TTLL11: variants seen among roughly 807,000 people sequenced by gnomAD.
TTLL11 encodes tubulin tyrosine ligase like 11, also known as tubulin polyglutamylase TTLL11.
TTLL11 carries 42 observed loss-of-function variants against 51.7 expected under a neutral mutation model. The observed-to-expected ratio is 0.81, with a 90% CI of 0.64 to 1.05. The LOEUF (loss-of-function observed/expected upper bound fraction) is 1.05, where lower values mean the gene tolerates loss of function less well. TTLL11 is among the 50% of genes least tolerant of loss of function. The probability of loss-of-function intolerance (pLI) is 0.00; values close to 1 mark genes in which losing one functional copy is unlikely to be tolerated. For synonymous variants in TTLL11, 381 were observed against 383.5 expected (o/e 0.99, Z 0.08); for missense variants, 799 against 940.4 (o/e 0.85, Z 1.97).
At chr9:121,996,388 C>G (rs1046414635) in intron 3 of TTLL11, among the ~76,000 whole-genome samples, 2 of 152,188 alleles carry the variant, frequency 1.3e-5, no homozygotes, top group Non-Finnish European at 2.9e-5. Context: ...AAGTCCTTCT[C>G]CATATTGAGC....
intron 1 of TTLL11, among the ~76,000 whole-genome samples, chr9:122,068,994 C>T (rs16911368): frequency 0.099 from 15,041 of 152,162 alleles, 1,081 homozygotes; most frequent in African/African-American, 0.19. Flanking sequence ...CCCTGAATGA[C>T]GACCCTGCCA....
intron 6 of TTLL11, among the ~76,000 whole-genome samples, chr9:121,963,304 T>A (rs1842297846): frequency 6.6e-6 from 1 of 152,208 alleles, no homozygotes; most frequent in Non-Finnish European, 1.5e-5. Context: ...CCAGAAAGTC[T>A]AAGTGACTTT....
intron 8 of TTLL11, among the ~76,000 whole-genome samples, chr9:121,832,646 T>C (rs538506230): frequency 2.8e-4 from 42 of 152,100 alleles, no homozygotes; most frequent in Non-Finnish European, 5.6e-4. Context: ...CTTCGAGAGT[T>C]TTCGAAGATT....
At chr9:122,065,314 G>GT (rs1222728787) in intron 1 of TTLL11, among the ~76,000 whole-genome samples, 1 of 152,138 alleles carries the variant, frequency 6.6e-6, no homozygotes, top group Non-Finnish European at 1.5e-5. Context: ...AAAGGAATGG[G>GT]TAAAAAATAA....
At chr9:122,036,843 C>T (rs908448743) in intron 2 of TTLL11, among the ~76,000 whole-genome samples, 21 of 152,278 alleles carry the variant, frequency 1.4e-4, no homozygotes, top group African/African-American at 4.6e-4. Flanking sequence ...GGATTACTAC[C>T]TTTCACAGGG....
intron 1 of TTLL11, among the ~76,000 whole-genome samples, chr9:122,067,002 C>A (rs889321609): frequency 6.6e-5 from 10 of 152,172 alleles, no homozygotes; most frequent in African/African-American, 2.4e-4. Context: ...CCCCATGATT[C>A]AATTACCTTC....
At position 121,821,405 on chromosome 9, in the gene TTLL11, C is replaced by G. The variant is rs563827047; in HGVS notation, c.*1182G>C. ...ACCTCGCTTGGAGCACGATGACTGA[C>G]TCTTCCCAGGTTCCTCAGCATCCTT... On this transcript the variant is annotated 3_prime_UTR_variant, in exon 9 of 9. Coordinates refer to ENST00000321582, the MANE Select transcript of TTLL11 (RefSeq NM_001139442.2). This position sits in a 1 kb window ranked among gnomAD's most constrained non-coding sequence, Gnocchi z 5.0. Among the ~76,000 whole-genome samples, 23 of 152,174 alleles carry G rather than the reference C, an allele frequency of 1.5e-4. No homozygotes were observed. The highest frequency in any genetic ancestry group is 2.8e-4 in the Non-Finnish European group (19 of 68,036).
At chr9:121,892,330 T>G (rs1452769852) in intron 6 of TTLL11, among the ~76,000 whole-genome samples, 2 of 151,866 alleles carry the variant, frequency 1.3e-5, no homozygotes, top group Non-Finnish European at 2.9e-5. Flanking sequence ...TACCTAAGAC[T>G]GAGAGGAAAA....
At chr9:122,030,209 G>GGT (rs1219172192) in intron 3 of TTLL11, among the ~76,000 whole-genome samples, 28 of 144,662 alleles carry the variant, frequency 1.9e-4, no homozygotes, top group African/African-American at 6.0e-4. Context: ...CATTGGGGGG[G>GGT]GGGGGGTAAT....
rs761711904 is a variant in TTLL11 at position 122,093,000 on chromosome 9, T to G, written c.149A>C (p.Glu50Ala). Residue 50 changes from glutamate (E) to alanine (A), a missense_variant, in exon 1 of 9, where the codon GAA becomes GCA. Glu to Ala is a moderately radical substitution (Grantham distance 107). Coordinates refer to ENST00000321582, the MANE Select transcript of TTLL11 (RefSeq NM_001139442.2). ...QVRVDAGAAGEPECKAGEEQP... is the reference protein window; with the variant it reads ...QVRVDAGAAGAPECKAGEEQP... ...CTCCTCCCCTGCCTTGCACTCCGGTTCCCCGGCCGCGCCCGCGTCCACGCG... is the reference window on the plus strand; with the variant it reads ...CTCCTCCCCTGCCTTGCACTCCGGTGCCCCGGCCGCGCCCGCGTCCACGCG... 11 of 1,545,246 alleles carry G rather than the reference T, an allele frequency of 7.1e-6. No homozygotes were observed. The highest frequency in any genetic ancestry group is 9.5e-6 in the Non-Finnish European group (11 of 1,155,186).
intron 6 of TTLL11, among the ~76,000 whole-genome samples, chr9:121,897,792 G>A (rs540739680): frequency 3.9e-5 from 6 of 152,222 alleles, no homozygotes; most frequent in African/African-American, 1.4e-4. Flanking sequence ...TGACTGTACC[G>A]GGCACAGCCT....
intron 6 of TTLL11, among the ~76,000 whole-genome samples, chr9:121,898,157 A>T (rs191427964): frequency 6.6e-6 from 1 of 152,178 alleles, no homozygotes; most frequent in East Asian, 1.9e-4. Context: ...ACCTCAAGTG[A>T]CCTGCCTCAG....
At chr9:121,924,152 A>G (rs1053737336) in intron 6 of TTLL11, among the ~76,000 whole-genome samples, 1 of 152,188 alleles carries the variant, frequency 6.6e-6, no homozygotes, top group Non-Finnish European at 1.5e-5. Flanking sequence ...CAGCACGAAA[A>G]CGGACTAATA....
At chr9:121,998,124 CT>C (rs1843336547) in intron 3 of TTLL11, among the ~76,000 whole-genome samples, 1 of 152,174 alleles carries the variant, frequency 6.6e-6, no homozygotes, top group African/African-American at 2.4e-5. Context: ...GCTACATAAT[CT>C]TCAGCTCACT....
chr9:121,882,247 G>C (rs1486992198), intron 6 of TTLL11, among the ~76,000 whole-genome samples: 1 of 152,124 alleles, frequency 6.6e-6, no homozygotes, highest in East Asian at 1.9e-4. Flanking sequence ...CTAGGTCAAG[G>C]GGGCTCACTG....
At chr9:122,052,117 C>T (rs972640612) in intron 1 of TTLL11, among the ~76,000 whole-genome samples, 1 of 152,084 alleles carries the variant, frequency 6.6e-6, no homozygotes, top group Admixed American at 6.5e-5. Flanking sequence ...CCAGATGGAA[C>T]ACAGTTCTAT....
At chr9:122,086,079 T>C (rs1230612687) in intron 1 of TTLL11, among the ~76,000 whole-genome samples, 5 of 152,218 alleles carry the variant, frequency 3.3e-5, no homozygotes, top group Non-Finnish European at 7.3e-5. Flanking sequence ...TCCAAAACAC[T>C]ACCAAAATTG....
intron 8 of TTLL11, among the ~76,000 whole-genome samples, chr9:121,834,162 C>T (rs1444098601): frequency 6.6e-6 from 1 of 152,186 alleles, no homozygotes; most frequent in Non-Finnish European, 1.5e-5. Flanking sequence ...CAAGGCGGTT[C>T]ATCACAGGAA....
At chr9:121,974,450 T>C (rs1478250196) in intron 5 of TTLL11, among the ~76,000 whole-genome samples, 1 of 152,236 alleles carries the variant, frequency 6.6e-6, no homozygotes, top group Non-Finnish European at 1.5e-5. Flanking sequence ...TGATATCTGC[T>C]GTATTTCCTT....
Sources: gnomAD v4.1 joint callset for allele counts (sites outside exome capture counted in the v4.1 genomes callset) on GRCh38, gnomAD v4.1.1 for gene constraint, Gnocchi (gnomAD v3.1) non-coding constraint, MANE v1.5 for transcripts, NCBI Gene and HGNC (gene_info 2026-07-23, HGNC 2026-07-21) for gene names.